DNM1: variants seen among roughly 807,000 people sequenced by gnomAD.
DNM1 encodes the protein dynamin 1, also known as dynamin-1.
In DNM1, 29 loss-of-function variants were observed where a neutral mutation model predicts 104.6. That is an observed-to-expected ratio of 0.28 (90% CI 0.21 to 0.38). DNM1 has a LOEUF of 0.38. DNM1 is among the 10% of genes least tolerant of loss of function. The pLI is 1.00. For synonymous variants in DNM1, 445 were observed against 475.8 expected (o/e 0.94, Z 0.84); for missense variants, 640 against 1,189.4 (o/e 0.54, Z 6.79).
rs1829497016 is a variant in DNM1, at chr9:128,251,203, A to G, written c.2534+263A>G. On this transcript the variant is annotated intron_variant, in intron 21 of 21. Coordinates refer to ENST00000372923, the MANE Select transcript of DNM1 (RefSeq NM_004408.4). ...TCCCACCTGCCCCCTTCTTTCCAGC[A>G]CTTGCATGGCGCTTCCCTCTATTTT... 6.1e-6 allele frequency: 4 copies of G among 658,656 alleles called. No homozygotes were observed. In the East Asian group the frequency reaches 1.2e-4, roughly 20 times the overall value. 40.8% of individuals were successfully genotyped at this position (658,656 alleles called of 1,614,324 possible). A position where few individuals can be genotyped will look rare whatever the true frequency, so the allele number is the denominator to read the frequency against.
intron 10 of DNM1, among the ~76,000 whole-genome samples, chr9:128,226,487 A>G (rs1227991357): frequency 6.6e-6 from 1 of 152,200 alleles, no homozygotes; most frequent in African/African-American, 2.4e-5. Flanking sequence ...TGCCCTTACT[A>G]TCTGACTCAG....
chr9:128,209,641 C>T (rs1227077413), intron 1 of DNM1, among the ~76,000 whole-genome samples: 1 of 152,180 alleles, frequency 6.6e-6, no homozygotes, highest in Non-Finnish European at 1.5e-5. Flanking sequence ...GATGTGGAGG[C>T]GTGGGGACAG....
intron 15 of DNM1, among the ~76,000 whole-genome samples, chr9:128,244,014 A>G (rs59688365): frequency 0.017 from 2,554 of 148,904 alleles, 83 homozygotes; most frequent in African/African-American, 0.06. Context: ...GTGTGATTGG[A>G]GTATAAGCAT....
At position 128,224,212 on chromosome 9, in the gene DNM1, C is replaced by A. The variant is rs746709037; in HGVS notation, c.1197-39C>A. The A allele has an allele frequency of 6.2e-7, 1 of 1,600,136 alleles. No individual in the cohort carries two copies. Among genetic ancestry groups the A allele is most frequent in the Non-Finnish European group, 8.5e-7 (1 of 1,172,432 alleles). On this transcript the variant is annotated intron_variant, in intron 9 of 21. Coordinates refer to ENST00000372923, the MANE Select transcript of DNM1 (RefSeq NM_004408.4). The surrounding 1 kb of genome is among the most constrained non-coding windows in gnomAD (Gnocchi z 4.3). ...GCCTGGCCCTCCTGGCCGGCACTGG[C>A]CTGTGACACTCTGCCCTTCTCCCGC...
intron 10 of DNM1, among the ~76,000 whole-genome samples, chr9:128,231,797 T>G (rs2131216994): frequency 6.6e-6 from 1 of 152,312 alleles, no homozygotes; most frequent in African/African-American, 2.4e-5. Context: ...CTACCCCATT[T>G]TCCACATGGA....
At position 128,240,233 on chromosome 9, in the gene DNM1, G is replaced by A. The variant is rs942336984; in HGVS notation, c.1557+237G>A. ...GCAGAGCTAGACCGTGTGGGGCTGG[G>A]TGGGTGAGAAGGCTGGGCCTGGCAC... On this transcript the variant is annotated intron_variant, in intron 14 of 21. Transcript: ENST00000372923. This position sits in a 1 kb window ranked among gnomAD's most constrained non-coding sequence, Gnocchi z 5.1. Among the ~76,000 whole-genome samples, 1 of 152,208 alleles carries A rather than the reference G, an allele frequency of 6.6e-6. No individual in the cohort carries two copies. The highest frequency in any genetic ancestry group is 2.4e-5 in the African/African-American group (1 of 41,458).
At position 128,243,346 on chromosome 9, in the gene DNM1, C is replaced by T. The variant is rs1291454189; in HGVS notation, c.1671+1001C>T. ...TGGCCAAGGAGTGGGGGAAGGGACC[C>T]TCTTCTTCCTGAGGGGGCTGTTGGA... is the stretch of plus-strand genomic sequence containing the variant. On this transcript the variant is annotated intron_variant, in intron 15 of 21. Transcript: ENST00000372923. The surrounding 1 kb of genome is among the most constrained non-coding windows in gnomAD (Gnocchi z 4.0). 6.6e-6 allele frequency among the ~76,000 whole-genome samples: 1 copy of T among 152,118 alleles called. No homozygotes were observed. Among genetic ancestry groups the T allele is most frequent in the Non-Finnish European group, 1.5e-5 (1 of 67,996 alleles).
chr9:128,222,904 G>A lies in DNM1; in HGVS notation c.1196+44G>A, dbSNP rs751868886. 18 of 1,591,214 alleles carry A rather than the reference G, an allele frequency of 1.1e-5. No individual in the cohort carries two copies. The highest frequency in any genetic ancestry group is 1.6e-5 in the Non-Finnish European group (18 of 1,160,440). On this transcript the variant is annotated intron_variant, in intron 9 of 21. Transcript: ENST00000372923. The surrounding 1 kb of genome is among the most constrained non-coding windows in gnomAD (Gnocchi z 7.8). The stretch of plus-strand genomic sequence containing the variant: ...GAGGGTGGCTGAACCCCAGAAGTAG[G>A]GGGTCTGGGACAGAGGCACAGGGAG...
At chr9:128,237,447 G>T (rs1334989246) in intron 11 of DNM1, among the ~76,000 whole-genome samples, 1 of 152,014 alleles carries the variant, frequency 6.6e-6, no homozygotes, top group Non-Finnish European at 1.5e-5. Flanking sequence ...TTTTTGTAGA[G>T]ACAGGGTTTC....
intron 10 of DNM1, among the ~76,000 whole-genome samples, chr9:128,229,406 G>T (rs1321170772): frequency 1.3e-5 from 2 of 151,960 alleles, no homozygotes; most frequent in African/African-American, 2.4e-5. Context: ...AGACCAGCCT[G>T]GGCAACATAG....
Position 128,253,137 on chromosome 9 carries a change from G to A in DNM1, c.2535-1517G>A. 1 of 1,605,930 alleles carries A rather than the reference G, an allele frequency of 6.2e-7. No homozygotes were observed. Among genetic ancestry groups the A allele is most frequent in the Non-Finnish European group, 8.5e-7 (1 of 1,179,932 alleles). ...GTGACCCCTGAGGAGCGTCAGCCAT[G>A]GTAGGTACATGCCTCACCGCCTGCT... On this transcript the variant is annotated intron_variant, in intron 21 of 21. Transcript: ENST00000372923. This position sits in a 1 kb window ranked among gnomAD's most constrained non-coding sequence, Gnocchi z 5.9.
chr9:128,247,226 A>C lies in DNM1; in HGVS notation c.1782-149A>C. ...ACCCATCTTCCCAGTGAGGAAACTG[A>C]GGCTGAGAGGAAGGGACTTGCACAG... On this transcript the variant is annotated intron_variant, in intron 16 of 21. Transcript: ENST00000372923. The surrounding 1 kb of genome is among the most constrained non-coding windows in gnomAD (Gnocchi z 5.1). 2.1e-6 allele frequency: 1 copy of C among 477,870 alleles called. No homozygotes were observed. The highest frequency in any genetic ancestry group is 3.6e-6 in the Non-Finnish European group (1 of 280,970). The allele number at this position is 477,870 out of a possible 1,614,324, so 29.6% of individuals were successfully genotyped here.
rs112664871 is a variant in DNM1, at chr9:128,223,009, A to C, written c.1196+149A>C. 1.3e-5 allele frequency: 10 copies of C among 769,400 alleles called. No homozygotes were observed. The African/African-American group carries it at 1.6e-4, about 12-fold the overall frequency. 47.7% of individuals were successfully genotyped at this position (769,400 alleles called of 1,614,324 possible). ...CGACCCCAACTTTCTGGCTCCCTGCATGACAGGCTCCAGCTTGGGGAGGTG... is the reference window on the plus strand; with the variant it reads ...CGACCCCAACTTTCTGGCTCCCTGCCTGACAGGCTCCAGCTTGGGGAGGTG... On this transcript the variant is annotated intron_variant, in intron 9 of 21. Transcript: ENST00000372923.
chr9:128,252,559 C>A, intron 21 of DNM1: 1 of 386,856 alleles, frequency 2.6e-6, no homozygotes, highest in Non-Finnish European at 5.1e-6. Context: ...AGAACAGAGA[C>A]AGAATGAGGA....
In DNM1 at chr9:128,218,486, T is replaced by A. The variant is rs1834746230; in HGVS notation, c.236-96T>A. On this transcript the variant is annotated intron_variant, in intron 2 of 21. Transcript: ENST00000372923. This position sits in a 1 kb window ranked among gnomAD's most constrained non-coding sequence, Gnocchi z 4.8. ...TGGGTGGTGGTTCTGCTTGGGTGTG[T>A]CTAGGGGGTTCTATTACCGGTGGGA... 1 of 1,473,518 alleles carries A rather than the reference T, an allele frequency of 6.8e-7. No homozygotes were observed. The highest frequency in any genetic ancestry group is 9.4e-7 in the Non-Finnish European group (1 of 1,068,020). 91.3% of individuals were successfully genotyped at this position (1,473,518 alleles called of 1,614,324 possible). A position where few individuals can be genotyped will look rare whatever the true frequency, so the allele number is the denominator to read the frequency against.
Position 128,222,182 on chromosome 9 carries a change from C to T in DNM1, c.850-15C>T, listed in dbSNP as rs774680078. 2.5e-6 allele frequency: 4 copies of T among 1,606,102 alleles called. No homozygotes were observed. The highest frequency in any genetic ancestry group is 2.2e-5 in the East Asian group (1 of 44,846). On this transcript the variant is annotated splice_polypyrimidine_tract_variant and intron_variant, in intron 6 of 21. Transcript: ENST00000372923. This position sits in a 1 kb window ranked among gnomAD's most constrained non-coding sequence, Gnocchi z 7.8. ...GACCATCTGTCCTCAACCCTTTCCT[C>T]ACCCTTACCCCCAGCAACTGACGAA...
In DNM1 at chr9:128,222,980, C is replaced by A; in HGVS notation, c.1196+120C>A. 1.0e-6 allele frequency: 1 copy of A among 988,728 alleles called. No individual in the cohort carries two copies. Among genetic ancestry groups the A allele is most frequent in the Non-Finnish European group, 1.5e-6 (1 of 655,788 alleles). 61.2% of individuals were successfully genotyped at this position (988,728 alleles called of 1,614,324 possible). A position where few individuals can be genotyped will look rare whatever the true frequency, so the allele number is the denominator to read the frequency against. On this transcript the variant is annotated intron_variant, in intron 9 of 21. Transcript: ENST00000372923. This position sits in a 1 kb window ranked among gnomAD's most constrained non-coding sequence, Gnocchi z 7.8. ...GGACTGAAAGCTCTGTTCCCCAGTC[C>A]TCTCGACCCCAACTTTCTGGCTCCC...
chr9:128,236,130 T>C (rs1366277659), intron 11 of DNM1, among the ~76,000 whole-genome samples: 1 of 152,150 alleles, frequency 6.6e-6, no homozygotes, highest in Non-Finnish European at 1.5e-5. Context: ...ACCCCCACCT[T>C]TTATGTCATC....
At position 128,218,001 on chromosome 9, in the gene DNM1, C is replaced by G. The variant is rs1834716312; in HGVS notation, c.162-230C>G. Among the ~76,000 whole-genome samples, 1 of 152,180 alleles carries G rather than the reference C, an allele frequency of 6.6e-6. No homozygotes were observed. The highest frequency in any genetic ancestry group is 1.5e-5 in the Non-Finnish European group (1 of 68,040). On this transcript the variant is annotated intron_variant, in intron 1 of 21. Coordinates refer to ENST00000372923, the MANE Select transcript of DNM1 (RefSeq NM_004408.4). This position sits in a 1 kb window ranked among gnomAD's most constrained non-coding sequence, Gnocchi z 4.8. The stretch of plus-strand genomic sequence containing the variant: ...ACGTATCTAGGAGTTGATCCAGTCT[C>G]TTGGCAGCTCAGATGCATAAATTCT...
Sources: allele counts gnomAD v4.1 joint callset (sites outside exome capture counted in the v4.1 genomes callset), GRCh38; gene constraint gnomAD v4.1.1; non-coding constraint Gnocchi (gnomAD v3.1); transcripts MANE v1.5; gene names NCBI Gene and HGNC (gene_info 2026-07-23, HGNC 2026-07-21).